The following ZNF512B variants were observed in gnomAD, a reference collection of about 807,000 sequenced individuals.
The protein encoded by ZNF512B is zinc finger protein 512B.
In ZNF512B, 22 loss-of-function variants were observed where a neutral mutation model predicts 87.8. That is an observed-to-expected ratio of 0.25 (90% CI 0.18 to 0.36). ZNF512B has a LOEUF of 0.36. ZNF512B is among the 10% of genes least tolerant of loss of function. The pLI, the probability that ZNF512B is intolerant of heterozygous loss-of-function variation, is 1.00. For missense variants in ZNF512B, 1,060 were observed against 1,231.6 expected, an observed-to-expected ratio of 0.86 and a Z score of 2.09; for synonymous variants, 524 against 490.9, an observed-to-expected ratio of 1.07 and a Z score of -0.89.
chr20:63,964,277 G>C, intron 7 of ZNF512B, 43 bp downstream of exon 7: 1 of 1,612,982 alleles, frequency 6.2e-7, no homozygotes, highest in Non-Finnish European at 8.5e-7. Context: ...TCACTCGGTG[G>C]ACAGCCCCAG....
chr20:63,964,320 C>T lies in ZNF512B; in HGVS notation c.1333G>A (p.Gly445Ser). The T allele has an allele frequency of 1.9e-6, 3 of 1,613,906 alleles. No individual in the cohort carries two copies. Among genetic ancestry groups the T allele is most frequent in the Non-Finnish European group, 2.5e-6 (3 of 1,179,948 alleles). Residue 445 changes from glycine to serine, a missense_variant and splice_region_variant, in exon 7 of 17, where the codon GGC (glycine) becomes AGC (serine). Gly to Ser is a moderately conservative substitution (Grantham distance 56, BLOSUM62 0). Around this residue, in one of 9 missense-constraint regions of ZNF512B, gnomAD observed 212 missense variants for 207.6 expected, o/e 1.02. Coordinates refer to ENST00000369888, the MANE Select transcript of ZNF512B (RefSeq NM_020713.3). ...GGTGCACACCGGGCTGGGGTCTTAC[C>T]TTTGAGCCCAAAGGTCCCTGAGATG... ...PSISGTFGLK[G>S]LVKAEDKARV...
rs978434710 is a variant in ZNF512B, at chr20:63,958,396, T to A, written c.*1492A>T. The A allele has an allele frequency of 2.0e-5, 3 of 152,018 alleles. No homozygotes were observed. The highest frequency in any genetic ancestry group is 6.6e-5 in the Admixed American group (1 of 15,234). 9.4% of individuals were successfully genotyped at this position (152,018 alleles called of 1,614,324 possible). A position where few individuals can be genotyped will look rare whatever the true frequency, so the allele number is the denominator to read the frequency against. On this transcript the variant is annotated 3_prime_UTR_variant, in exon 17 of 17. Coordinates refer to ENST00000369888, the MANE Select transcript of ZNF512B (RefSeq NM_020713.3). ...GCGAGTGTTTGTATAAAAAACAATTTAAAAAAAAGGTTGTTACTTGTCACA... is the reference window on the plus strand; with the variant it reads ...GCGAGTGTTTGTATAAAAAACAATTAAAAAAAAAGGTTGTTACTTGTCACA...
rs761072012 is a variant in ZNF512B, at chr20:63,961,368, G to A, written c.2368C>T (p.Pro790Ser). The change falls in exon 16 of 17, where the codon CCG (proline) becomes TCG (serine). Residue 790 changes from proline (P) to serine (S), a missense_variant. By Grantham distance (74) the Pro-to-Ser change is moderately conservative. This residue lies in a region of ZNF512B where 253 missense variants were observed against 259.2 expected (regional missense o/e 0.98). Coordinates refer to ENST00000369888, the MANE Select transcript of ZNF512B (RefSeq NM_020713.3). The surrounding 1 kb of genome is among the most constrained non-coding windows in gnomAD (Gnocchi z 6.4). ...LAGKYRCLLC[P>S]KEFSSESGVK... The stretch of plus-strand genomic sequence containing the variant: ...CCACTCTCAGAACTGAACTCCTTCG[G>A]ACACAGCAGACAGCGGTACTTCCCT... 2 of 1,612,656 alleles carry A rather than the reference G, an allele frequency of 1.2e-6. No homozygotes were observed. Among genetic ancestry groups the A allele is most frequent in the Non-Finnish European group, 1.7e-6 (2 of 1,179,984 alleles).
chr20:63,967,025 T>C (rs1331342095), intron 3 of ZNF512B, 21 bp from the exon 4 acceptor site: 2 of 1,612,424 alleles, frequency 1.2e-6, no homozygotes, highest in Non-Finnish European at 1.7e-6. Context: ...GGAAAGGTGG[T>C]GCTGCTGACC....
rs1203244380 is a variant in ZNF512B at position 63,962,712 on chromosome 20, C to T, written c.2038G>A (p.Gly680Arg). ...TGGGCCGACGTGCGGCGGACACGCC[C>T]GCTTGGGGTCCGCTCCACACCCAGC... ...DPLGVERTPS[G>R]RVRRTSAQVA... is the part of the protein sequence containing the mutation. The change falls in exon 13 of 17, where the codon GGG (glycine) becomes AGG (arginine). Residue 680 changes from glycine to arginine, a missense_variant. By Grantham distance (125) the Gly-to-Arg change is moderately radical. Coordinates refer to ENST00000369888, the MANE Select transcript of ZNF512B (RefSeq NM_020713.3). 4 of 1,602,674 alleles carry T rather than the reference C, an allele frequency of 2.5e-6. No individual in the cohort carries two copies. Among genetic ancestry groups the T allele is most frequent in the Non-Finnish European group, 3.4e-6 (4 of 1,176,274 alleles).
intron 10 of ZNF512B, 46 bp downstream of exon 10, chr20:63,963,572 C>T (rs781718731): frequency 2.7e-5 from 44 of 1,606,450 alleles, no homozygotes; most frequent in East Asian, 2.7e-4. Context: ...AGGTGGGGTG[C>T]GAGGTCAGAG....
Position 63,961,305 on chromosome 20 carries a change from G to C in ZNF512B, c.2427+4C>G. On this transcript the variant is annotated splice_donor_region_variant and intron_variant, in intron 16 of 16. Coordinates refer to ENST00000369888, the MANE Select transcript of ZNF512B (RefSeq NM_020713.3). This position sits in a 1 kb window ranked among gnomAD's most constrained non-coding sequence, Gnocchi z 6.4. ...GCCACAGGCCCTGGTGATGGCCCTC[G>C]CACCTCTGCGTGGGTCTTCAGGATG... The C allele has an allele frequency of 6.2e-7, 1 of 1,611,672 alleles. No homozygotes were observed. The highest frequency in any genetic ancestry group is 1.1e-5 in the South Asian group (1 of 91,074).
chr20:63,962,467 G>A (rs367796664), intron 13 of ZNF512B, 93 bp from the exon 14 acceptor site: 92 of 1,550,636 alleles, frequency 5.9e-5, no homozygotes, highest in Non-Finnish European at 6.7e-5. Flanking sequence ...GACACTCGCC[G>A]CAGATGGCGG....
At position 63,963,321 on chromosome 20, in the gene ZNF512B, C is replaced by G. The variant is rs780694050; in HGVS notation, c.1797+21G>C. Reference sequence around the variant, plus strand: ...GCCAGCAGGGCCCCCCCACCCCACACTGCCGCGGCCCCCCACTGACCTCCT... The same window carrying G: ...GCCAGCAGGGCCCCCCCACCCCACAGTGCCGCGGCCCCCCACTGACCTCCT... On this transcript the variant is annotated intron_variant, in intron 11 of 16. Coordinates refer to ENST00000369888, the MANE Select transcript of ZNF512B (RefSeq NM_020713.3). 74 of 1,537,730 alleles carry G rather than the reference C, an allele frequency of 4.8e-5. 1 individual carries two copies. The East Asian group carries it at 1.1e-3, about 22-fold the overall frequency.
chr20:63,964,563 T>C lies in ZNF512B; in HGVS notation c.1188A>G (p.Ser396=), dbSNP rs752064878. The stretch of plus-strand genomic sequence containing the variant: ...CAGCCTTCAGTGCCTCCATGCCCCC[T>C]GACGGCCTGCTGCCTGGCGACAAGG... ...SGSLSPGSRP[S]GGMEALKAAG... is the part of the protein sequence containing the mutation. Residue 396 remains serine, a synonymous_variant, in exon 6 of 17, where the codon TCA becomes TCG. Coordinates refer to ENST00000369888, the MANE Select transcript of ZNF512B (RefSeq NM_020713.3). 1.9e-6 allele frequency: 3 copies of C among 1,613,098 alleles called. No individual in the cohort carries two copies. The highest frequency in any genetic ancestry group is 2.2e-5 in the South Asian group (2 of 91,058).
intron 5 of ZNF512B, among the ~76,000 whole-genome samples, chr20:63,965,000 C>T (rs1349159654): frequency 1.3e-4 from 4 of 31,302 alleles, no homozygotes; most frequent in African/African-American, 5.1e-4. Context: ...TACCTTTTCT[C>T]ACCACTGTTC....
chr20:63,959,986 G>T lies in ZNF512B; in HGVS notation c.2581C>A (p.Pro861Thr), dbSNP rs751206374. 6.2e-7 allele frequency: 1 copy of T among 1,612,866 alleles called. No individual in the cohort carries two copies. Among genetic ancestry groups the T allele is most frequent in the Admixed American group, 1.7e-5 (1 of 60,024 alleles). ...RTPEEPVAKLPPRRDDWPPGC... is the reference protein window; with the variant it reads ...RTPEEPVAKLTPRRDDWPPGC... ...GGAGGCCAGTCGTCCCGGCGCGGGGGCAGCTTGGCCACAGGCTCCTCTGGG... is the reference window on the plus strand; with the variant it reads ...GGAGGCCAGTCGTCCCGGCGCGGGGTCAGCTTGGCCACAGGCTCCTCTGGG... The change falls in exon 17 of 17, where the codon CCC becomes ACC. Residue 861 changes from proline to threonine, a missense_variant. Physicochemically the swap from Pro to Thr is conservative, Grantham distance 38 (BLOSUM62 -1). This residue lies in a region of ZNF512B where 253 missense variants were observed against 259.2 expected (regional missense o/e 0.98). Transcript: ENST00000369888.
chr20:63,963,402 C>G lies in ZNF512B; in HGVS notation c.1737G>C (p.Glu579Asp). The G allele has an allele frequency of 6.5e-7, 1 of 1,549,218 alleles. No homozygotes were observed. The highest frequency in any genetic ancestry group is 8.7e-7 in the Non-Finnish European group (1 of 1,152,190). The part of the protein sequence containing the change: ...DAEASEGGEQ[E>D]ERERLRKVLK... ...GCACCTTGCGCAGCCTCTCGCGCTC[C>G]TCCTGCTCGCCCCCTTCGGAGGCCT... Residue 579 changes from glutamate to aspartate, a missense_variant, in exon 11 of 17, where the codon GAG becomes GAC. Around this residue, in one of 9 missense-constraint regions of ZNF512B, gnomAD observed 165 missense variants for 173.0 expected, o/e 0.95. Coordinates refer to ENST00000369888, the MANE Select transcript of ZNF512B (RefSeq NM_020713.3).
chr20:63,962,677 C>T lies in ZNF512B; in HGVS notation c.2073G>A (p.Val691=). Residue 691 remains valine (V), a synonymous_variant, in exon 13 of 17, where the codon GTG becomes GTA. Coordinates refer to ENST00000369888, the MANE Select transcript of ZNF512B (RefSeq NM_020713.3). ...CCTCCGCTATCTCCTGCAGGTGGAA[C>T]ACCGCCACCTGGGCCGACGTGCGGC... The part of the protein sequence containing the change: ...RVRRTSAQVA[V]FHLQEIAEDE... The T allele has an allele frequency of 1.2e-6, 2 of 1,605,238 alleles. No homozygotes were observed. The highest frequency in any genetic ancestry group is 1.3e-5 in the African/African-American group (1 of 74,998).
rs372744819 is a variant in ZNF512B, at chr20:63,964,647, G to A, written c.1104C>T (p.Gly368=). ...CCGAGCTCTGGCCCATGGAGGAGGG[G>A]CCGTACTCCCCATTCTCTGGCCTGG... The part of the protein sequence containing the change: ...KQARPENGEY[G]PSSMGQSSAF... The change falls in exon 6 of 17, where the codon GGC becomes GGT. Residue 368 remains glycine, a synonymous_variant. Coordinates refer to ENST00000369888, the MANE Select transcript of ZNF512B (RefSeq NM_020713.3). 1.3e-5 allele frequency: 21 copies of A among 1,612,652 alleles called. No homozygotes were observed. The highest frequency in any genetic ancestry group is 1.1e-5 in the South Asian group (1 of 91,046).
intron 14 of ZNF512B, 29 bp from the exon 15 acceptor site, chr20:63,962,033 C>T (rs901331241): frequency 6.5e-7 from 1 of 1,549,804 alleles, no homozygotes; most frequent in Non-Finnish European, 8.7e-7. Flanking sequence ...TGGGCGAAGG[C>T]CTCTGGTGGG....
Position 63,961,503 on chromosome 20 carries a change from C to T in ZNF512B, c.2329-96G>A, listed in dbSNP as rs2058850653. 1.7e-6 allele frequency: 2 copies of T among 1,206,146 alleles called. No individual in the cohort carries two copies. Among genetic ancestry groups the T allele is most frequent in the East Asian group, 4.8e-5 (2 of 41,976 alleles). 74.7% of individuals were successfully genotyped at this position (1,206,146 alleles called of 1,614,324 possible). ...GCTAAAGGGTCAGAGTCAGCGGTGG[C>T]CCAAGGAAAGCTGTGGCTGTCTGTG... On this transcript the variant is annotated intron_variant, in intron 15 of 16. Transcript: ENST00000369888. This position sits in a 1 kb window ranked among gnomAD's most constrained non-coding sequence, Gnocchi z 6.4.
rs1328771323 is a variant in ZNF512B at position 63,969,806 on chromosome 20, G to C, written c.-3+8C>G. The C allele has an allele frequency of 7.3e-6, 1 of 137,740 alleles. No individual in the cohort carries two copies. Among genetic ancestry groups the C allele is most frequent in the Non-Finnish European group, 1.6e-5 (1 of 62,192 alleles). 8.5% of individuals were successfully genotyped at this position (137,740 alleles called of 1,614,324 possible). ...CAGAATGGGTCCGGGGCGCGGCCGGGCGCTTACCTGCGGCGCCCAGCGGGG... is the reference window on the plus strand; with the variant it reads ...CAGAATGGGTCCGGGGCGCGGCCGGCCGCTTACCTGCGGCGCCCAGCGGGG... On this transcript the variant is annotated splice_region_variant and intron_variant, in intron 1 of 16. Transcript: ENST00000369888.
intron 1 of ZNF512B, 33 bp from the exon 2 acceptor site, chr20:63,967,985 A>ACGG: frequency 1.3e-6 from 2 of 1,582,550 alleles, no homozygotes; most frequent in East Asian, 4.5e-5. Flanking sequence ...GTGAAGCCTG[A>ACGG]CGGGCCCCAC....
Sources: allele counts gnomAD v4.1 joint callset (sites outside exome capture counted in the v4.1 genomes callset), GRCh38; gene constraint gnomAD v4.1.1; regional missense constraint gnomAD v4.1.1; non-coding constraint Gnocchi (gnomAD v3.1); transcripts MANE v1.5; gene names NCBI Gene and HGNC (gene_info 2026-07-23, HGNC 2026-07-21).